Variants in SCAPER observed in about 807,000 individuals in gnomAD.
The protein encoded by SCAPER is S-phase cyclin A associated protein in the ER.
In SCAPER, 98 loss-of-function variants were observed where a neutral mutation model predicts 182.2. The observed-to-expected ratio is 0.54, with a 90% CI of 0.46 to 0.64. The LOEUF (loss-of-function observed/expected upper bound fraction) is 0.64, where lower values mean the gene tolerates loss of function less well. Among genes scored for constraint, SCAPER ranks in the 30% least tolerant of loss-of-function variants. The pLI, the probability that SCAPER is intolerant of heterozygous loss-of-function variation, is 0.00. For synonymous variants in SCAPER, 605 were observed against 564.6 expected, an observed-to-expected ratio of 1.07 and a Z score of -1.01; for missense variants, 1,432 against 1,690.0, an observed-to-expected ratio of 0.85 and a Z score of 2.68.
rs148437312 is a variant in SCAPER, at chr15:76,781,102, C to A, written c.773-5985G>T. 2.2e-3 allele frequency among the ~76,000 whole-genome samples: 342 copies of A among 152,210 alleles called. 1 individual carries two copies. The highest frequency in any genetic ancestry group is 0.01 in the Middle Eastern group (3 of 294). On this transcript the variant is annotated intron_variant, in intron 8 of 31. Transcript: ENST00000563290. Reference sequence around the variant, plus strand: ...AACAAACTTCTCCAAACTAAAGGAGCATGTTCTAACCCAACATAAGGAAGC... The same window carrying A: ...AACAAACTTCTCCAAACTAAAGGAGAATGTTCTAACCCAACATAAGGAAGC...
chr15:76,853,801 T>C (rs2071036082), intron 4 of SCAPER, among the ~76,000 whole-genome samples: 1 of 152,164 alleles, frequency 6.6e-6, no homozygotes, highest in Non-Finnish European at 1.5e-5. Flanking sequence ...AATACAGTAT[T>C]GGAAGTCCTG....
At chr15:76,881,925 G>A (rs965364948) in intron 2 of SCAPER, among the ~76,000 whole-genome samples, 15 of 152,140 alleles carry the variant, frequency 9.9e-5, no homozygotes, top group South Asian at 2.1e-4. Flanking sequence ...ACCCACAAGG[G>A]AAGAAGAGGA....
In SCAPER at chr15:76,754,680, T is replaced by C. The variant is rs189984137; in HGVS notation, c.1726-732A>G. ...AAATCAGAAGATGGGTCAATATGAGTGGAAAAAACCTAACATTTTAATTGT... is the reference window on the plus strand; with the variant it reads ...AAATCAGAAGATGGGTCAATATGAGCGGAAAAAACCTAACATTTTAATTGT... On this transcript the variant is annotated intron_variant, in intron 14 of 31. Coordinates refer to ENST00000563290, the MANE Select transcript of SCAPER (RefSeq NM_020843.4). Among the ~76,000 whole-genome samples the C allele has an allele frequency of 9.6e-4, 112 of 116,244 alleles. 2 individuals carry two copies. In the South Asian group the frequency reaches 0.024, roughly 25 times the overall value. The allele number at this position is 116,244 out of a possible 152,430, so 76.3% of individuals were successfully genotyped here.
chr15:76,621,024 TAA>T (rs912387313), intron 22 of SCAPER, among the ~76,000 whole-genome samples: 1 of 152,190 alleles, frequency 6.6e-6, no homozygotes, highest in Non-Finnish European at 1.5e-5. Context: ...AAAAAATTTT[TAA>T]AAGAGTCATC....
intron 6 of SCAPER, among the ~76,000 whole-genome samples, chr15:76,803,249 G>A (rs1038422529): frequency 6.6e-6 from 1 of 152,084 alleles, no homozygotes; most frequent in Admixed American, 6.6e-5. Context: ...ATTACACTGT[G>A]CTCCCTTTCA....
intron 25 of SCAPER, among the ~76,000 whole-genome samples, chr15:76,442,675 GC>G (rs1380749649): frequency 6.6e-6 from 1 of 152,108 alleles, no homozygotes. Flanking sequence ...CTATTATTAT[GC>G]CTATTATGCA....
chr15:76,855,328 A>C (rs548721541), intron 4 of SCAPER, among the ~76,000 whole-genome samples: 1 of 152,278 alleles, frequency 6.6e-6, no homozygotes, highest in African/African-American at 2.4e-5. Context: ...AAATCCTGGA[A>C]GACAACTGGC....
chr15:76,745,099 C>T (rs536578969), intron 15 of SCAPER, among the ~76,000 whole-genome samples: 34 of 152,040 alleles, frequency 2.2e-4, no homozygotes, highest in Middle Eastern at 3.4e-3. Context: ...CACATATGGA[C>T]ATAAACATGG....
At chr15:76,718,950 G>C (rs2060042025) in intron 17 of SCAPER, among the ~76,000 whole-genome samples, 1 of 152,142 alleles carries the variant, frequency 6.6e-6, no homozygotes, top group African/African-American at 2.4e-5. Context: ...CACTGTTGTT[G>C]AGAGTGTGGC....
chr15:76,802,809 C>T (rs998740136), intron 6 of SCAPER, among the ~76,000 whole-genome samples: 6 of 152,048 alleles, frequency 3.9e-5, no homozygotes, highest in Non-Finnish European at 7.4e-5. Flanking sequence ...TGGCAGGAGG[C>T]GGGGGGAAGC....
intron 23 of SCAPER, among the ~76,000 whole-genome samples, chr15:76,560,178 G>A (rs925846132): frequency 1.3e-5 from 2 of 152,048 alleles, no homozygotes; most frequent in African/African-American, 4.8e-5. Flanking sequence ...GGTCCTTTGG[G>A]GAAATAATTT....
chr15:76,819,189 T>C (rs1235975660), intron 5 of SCAPER, among the ~76,000 whole-genome samples: 3 of 152,232 alleles, frequency 2.0e-5, no homozygotes, highest in Non-Finnish European at 4.4e-5. Context: ...AAAGCAGCAG[T>C]AGCCTCTGCA....
intron 23 of SCAPER, among the ~76,000 whole-genome samples, chr15:76,520,472 C>T (rs765852376): frequency 2.0e-5 from 3 of 152,168 alleles, no homozygotes; most frequent in Non-Finnish European, 2.9e-5. Flanking sequence ...ACCACCTTGA[C>T]CTCCCAAAGT....
At chr15:76,714,050 T>G (rs995444071) in intron 17 of SCAPER, among the ~76,000 whole-genome samples, 17 of 150,126 alleles carry the variant, frequency 1.1e-4, no homozygotes, top group Non-Finnish European at 1.6e-4. Context: ...ACTCAGCAAT[T>G]TTTTTTTTAA....
chr15:76,359,220 G>A (rs2041225639), intron 29 of SCAPER, among the ~76,000 whole-genome samples: 1 of 151,272 alleles, frequency 6.6e-6, no homozygotes. Flanking sequence ...CATCACCCCA[G>A]CCCCATCTCT....
At chr15:76,742,466 TAAAA>T (rs55751202) in intron 15 of SCAPER, among the ~76,000 whole-genome samples, 2 of 37,052 alleles carry the variant, frequency 5.4e-5, no homozygotes, top group Non-Finnish European at 9.3e-5. Flanking sequence ...TGTCTTTTCC[TAAAA>T]AAAAAAAAAA....
At chr15:76,533,285 G>A (rs1017584468) in intron 23 of SCAPER, among the ~76,000 whole-genome samples, 3 of 152,100 alleles carry the variant, frequency 2.0e-5, no homozygotes, top group African/African-American at 4.8e-5. Context: ...GCCACATAAC[G>A]ATGTTTCAGT....
chr15:76,600,003 T>C (rs1212808280), intron 22 of SCAPER, among the ~76,000 whole-genome samples: 1 of 121,586 alleles, frequency 8.2e-6, no homozygotes, highest in African/African-American at 2.5e-5. Flanking sequence ...TATACTGATG[T>C]ATGCAATTTA....
chr15:76,529,246 A>G (rs552648588), intron 23 of SCAPER, among the ~76,000 whole-genome samples: 1 of 152,218 alleles, frequency 6.6e-6, no homozygotes. Flanking sequence ...GGGTTTTGCC[A>G]TGTTGCCCAG....
Sources: allele counts gnomAD v4.1 joint callset (sites outside exome capture counted in the v4.1 genomes callset), GRCh38; gene constraint gnomAD v4.1.1; transcripts MANE v1.5; gene names NCBI Gene and HGNC (gene_info 2026-07-23, HGNC 2026-07-21).